Variants in SVEP1 observed in about 807,000 individuals in gnomAD.
SVEP1 encodes the protein sushi, von Willebrand factor type A, EGF and pentraxin domain-containing protein 1.
In SVEP1, 164 loss-of-function variants were observed where a neutral mutation model predicts 367.3. That is an observed-to-expected ratio of 0.45 (90% confidence interval 0.39 to 0.51). The LOEUF (loss-of-function observed/expected upper bound fraction) is 0.51. Among genes scored for constraint, SVEP1 ranks in the 20% least tolerant of loss-of-function variants. The probability of loss-of-function intolerance (pLI) is 0.00; values close to 1 mark genes in which losing one functional copy is unlikely to be tolerated. For missense variants in SVEP1, 4,117 were observed against 4,425.3 expected (o/e 0.93, Z 1.98); for synonymous variants, 1,666 against 1,611.6 (o/e 1.03, Z -0.81).
intron 30 of SVEP1, among the ~76,000 whole-genome samples, chr9:110,433,414 T>A (rs1300034291): frequency 7.2e-6 from 1 of 139,142 alleles, no homozygotes; most frequent in Non-Finnish European, 1.5e-5. Context: ...TGGTAACAGG[T>A]GCTTATCTAA....
intron 3 of SVEP1, among the ~76,000 whole-genome samples, chr9:110,516,398 A>C (rs1253104371): frequency 6.6e-6 from 1 of 151,792 alleles, no homozygotes; most frequent in Non-Finnish European, 1.5e-5. Flanking sequence ...ATCTGGAGAG[A>C]TTTGTGACTA....
intron 3 of SVEP1, among the ~76,000 whole-genome samples, chr9:110,531,644 C>T (rs1830019364): frequency 6.6e-6 from 1 of 152,174 alleles, no homozygotes; most frequent in Non-Finnish European, 1.5e-5. Flanking sequence ...GTAAATTACC[C>T]AGTCTCAGGT....
chr9:110,396,234 G>A (rs1410342847), intron 40 of SVEP1, among the ~76,000 whole-genome samples: 1 of 151,478 alleles, frequency 6.6e-6, no homozygotes, highest in African/African-American at 2.4e-5. Flanking sequence ...TGAACAACCT[G>A]CTCCTGAATG....
chr9:110,511,502 T>C (rs1410662277), intron 5 of SVEP1, among the ~76,000 whole-genome samples: 1 of 41,270 alleles, frequency 2.4e-5, no homozygotes, highest in Non-Finnish European at 5.3e-5. Context: ...TTTTTTTTTT[T>C]TTTTTTTTTT....
intron 40 of SVEP1, among the ~76,000 whole-genome samples, chr9:110,393,096 T>G (rs1228000507): frequency 6.6e-6 from 1 of 152,200 alleles, no homozygotes; most frequent in Admixed American, 6.5e-5. Flanking sequence ...TAACATATAT[T>G]TCCACAAATT....
chr9:110,565,127 G>A (rs1830475481), intron 1 of SVEP1, among the ~76,000 whole-genome samples: 1 of 152,138 alleles, frequency 6.6e-6, no homozygotes, highest in Admixed American at 6.5e-5. Context: ...TACTAAAATA[G>A]TCAAAAGGAA....
chr9:110,439,602 G>A (rs1828483013), intron 27 of SVEP1, among the ~76,000 whole-genome samples: 1 of 151,872 alleles, frequency 6.6e-6, no homozygotes, highest in South Asian at 2.1e-4. Context: ...GTTTCACCAT[G>A]TTGGCCAAGC....
chr9:110,424,583 G>A (rs1034810134), intron 36 of SVEP1, among the ~76,000 whole-genome samples: 1 of 152,154 alleles, frequency 6.6e-6, no homozygotes, highest in Non-Finnish European at 1.5e-5. Context: ...AGAGATCTAA[G>A]GTAATGATGA....
At chr9:110,506,496 C>T (rs1472722931) in intron 5 of SVEP1, among the ~76,000 whole-genome samples, 1 of 152,152 alleles carries the variant, frequency 6.6e-6, no homozygotes, top group East Asian at 1.9e-4. Flanking sequence ...TCTACCATTG[C>T]CATGCCCTCT....
chr9:110,481,477 A>G (rs761399629), intron 11 of SVEP1, 41 bp from the exon 12 acceptor site: 5 of 1,343,064 alleles, frequency 3.7e-6, no homozygotes, highest in African/African-American at 1.5e-5. Flanking sequence ...TAGTGGTACA[A>G]GAAGCATAAA....
intron 42 of SVEP1, 102 bp downstream of exon 42, chr9:110,387,182 GC>G: frequency 8.3e-7 from 1 of 1,203,082 alleles, no homozygotes; most frequent in Admixed American, 2.8e-5. Flanking sequence ...CTTTCTCTGG[GC>G]CCATATCCCT....
chr9:110,377,420 T>C, intron 44 of SVEP1, 54 bp from the exon 45 acceptor site: 68 of 1,468,436 alleles, frequency 4.6e-5, no homozygotes, highest in Non-Finnish European at 5.9e-5. Flanking sequence ...AGGGAAGGAG[T>C]CAGAAAATAG....
At position 110,538,149 on chromosome 9, in the gene SVEP1, A is replaced by G. The variant is rs550445250; in HGVS notation, c.964+7966T>C. On this transcript the variant is annotated intron_variant, in intron 3 of 47. Coordinates refer to ENST00000374469, the MANE Select transcript of SVEP1 (RefSeq NM_153366.4). The stretch of plus-strand genomic sequence containing the variant: ...GTCTAATTTTATGTGTGTTACAATC[A>G]TGATAGACTGGAAAATGCACTATCA... 2.6e-5 allele frequency among the ~76,000 whole-genome samples: 4 copies of G among 152,120 alleles called. No individual in the cohort carries two copies. In the East Asian group the frequency reaches 7.7e-4, roughly 29 times the overall value.
intron 12 of SVEP1, among the ~76,000 whole-genome samples, chr9:110,480,301 C>T (rs1362624175): frequency 1.3e-5 from 2 of 152,076 alleles, no homozygotes; most frequent in African/African-American, 2.4e-5. Flanking sequence ...AGCATCCCAC[C>T]GTCTCAATCT....
intron 40 of SVEP1, among the ~76,000 whole-genome samples, chr9:110,390,336 C>CTTATATAAGTATATAT (rs1288152358): frequency 0.11 from 2,258 of 21,206 alleles, 288 homozygotes; most frequent in East Asian, 0.18. Flanking sequence ...TATATATACA[C>CTTATATAAGTATATAT]ATACTTATAT....
intron 9 of SVEP1, among the ~76,000 whole-genome samples, chr9:110,487,250 T>C (rs1170143171): frequency 6.6e-6 from 1 of 152,168 alleles, no homozygotes; most frequent in African/African-American, 2.4e-5. Flanking sequence ...CCATCACACC[T>C]GGCCCTCTCT....
At chr9:110,497,490 C>T (rs1829468594) in intron 7 of SVEP1, among the ~76,000 whole-genome samples, 1 of 152,090 alleles carries the variant, frequency 6.6e-6, no homozygotes, top group Non-Finnish European at 1.5e-5. Flanking sequence ...GATGTCTTGC[C>T]CCACTGTCTT....
chr9:110,522,245 C>A (rs933607650), intron 3 of SVEP1, among the ~76,000 whole-genome samples: 3 of 152,120 alleles, frequency 2.0e-5, no homozygotes, highest in Non-Finnish European at 4.4e-5. Flanking sequence ...GTAGGCCCAA[C>A]AGAAGTTGAT....
chr9:110,455,886 C>A (rs566944418), intron 21 of SVEP1, among the ~76,000 whole-genome samples, 183 bp from the exon 22 acceptor site: 1 of 152,268 alleles, frequency 6.6e-6, no homozygotes, highest in African/African-American at 2.4e-5. Flanking sequence ...TCTTTCTAAA[C>A]AAATTTAAGA....
Sources: gnomAD v4.1 joint callset for allele counts (sites outside exome capture counted in the v4.1 genomes callset) on GRCh38, gnomAD v4.1.1 for gene constraint, MANE v1.5 for transcripts, NCBI Gene and HGNC (gene_info 2026-07-23, HGNC 2026-07-21) for gene names.